GLCE: variants seen among roughly 807,000 people sequenced by gnomAD.
GLCE encodes glucuronic acid epimerase, also known as D-glucuronyl C5-epimerase.
GLCE carries 19 observed loss-of-function variants against 47.9 expected under a neutral mutation model. The ratio of observed to expected loss-of-function variants is 0.40; its 90% CI spans 0.28 to 0.58. The LOEUF (loss-of-function observed/expected upper bound fraction) is 0.58. Ranked by LOEUF, GLCE falls within the 20% of genes least tolerant of loss-of-function variation. GLCE has a pLI of 0.48. For missense variants in GLCE, 556 were observed against 743.3 expected (o/e 0.75, Z 2.93); for synonymous variants, 245 against 263.4 (o/e 0.93, Z 0.68).
At chr15:69,165,810 C>T (rs1190788113) in intron 1 of GLCE, among the ~76,000 whole-genome samples, 1 of 152,142 alleles carries the variant, frequency 6.6e-6, no homozygotes, top group Admixed American at 6.5e-5. Context: ...TTGATGTGTT[C>T]ATGATGTCAG....
Position 69,193,129 on chromosome 15 carries a change from A to G in GLCE, c.-104-17187A>G, listed in dbSNP as rs574935533. Among the ~76,000 whole-genome samples, 9 of 150,450 alleles carry G rather than the reference A, an allele frequency of 6.0e-5. No homozygotes were observed. In the East Asian group the frequency reaches 1.8e-3, roughly 30 times the overall value. On this transcript the variant is annotated intron_variant, in intron 1 of 4. Coordinates refer to ENST00000261858, the MANE Select transcript of GLCE (RefSeq NM_015554.3). ...TGTTTTGGCCTCCCTAAACTCTGAT[A>G]TATGTCTTTTCAATTCAGCAATGTT... is the stretch of plus-strand genomic sequence containing the variant.
chr15:69,220,631 T>G (rs1566959791), intron 2 of GLCE, among the ~76,000 whole-genome samples: 1 of 151,936 alleles, frequency 6.6e-6, no homozygotes, highest in African/African-American at 2.4e-5. Context: ...ATTCGGTCGT[T>G]TGCTTTTTGT....
chr15:69,177,628 TTCATGCCCCTTTATTATCTTTACC>T (rs2051687903), intron 1 of GLCE, among the ~76,000 whole-genome samples: 4 of 150,218 alleles, frequency 2.7e-5, no homozygotes, highest in African/African-American at 5.0e-5. Context: ...TTATCTTTAC[TTCATGCCCCTTTATTATCTTTACC>T]TCATGCCCCT....
chr15:69,199,705 C>G (rs1043524006), intron 1 of GLCE, among the ~76,000 whole-genome samples: 1 of 152,200 alleles, frequency 6.6e-6, no homozygotes, highest in African/African-American at 2.4e-5. Flanking sequence ...TGACTCCATT[C>G]AGTGCACTGT....
chr15:69,172,659 T>C (rs532840614), intron 1 of GLCE, among the ~76,000 whole-genome samples: 1 of 152,252 alleles, frequency 6.6e-6, no homozygotes, highest in South Asian at 2.1e-4. Flanking sequence ...CATAGGTAGG[T>C]GGATTAGTAA....
intron 2 of GLCE, among the ~76,000 whole-genome samples, chr15:69,221,771 G>A (rs1322644669): frequency 6.6e-6 from 1 of 151,222 alleles, no homozygotes; most frequent in Non-Finnish European, 1.5e-5. Context: ...GCTGAGGCAG[G>A]AGAATCACTT....
At chr15:69,206,342 G>T (rs950376470) in intron 1 of GLCE, among the ~76,000 whole-genome samples, 3 of 151,982 alleles carry the variant, frequency 2.0e-5, no homozygotes, top group African/African-American at 7.2e-5. Flanking sequence ...CTGTTTATCA[G>T]ATTTCCTCAC....
At chr15:69,260,983 A>G in intron 3 of GLCE, 104 bp from the exon 4 acceptor site, 1 of 1,091,286 alleles carries the variant, frequency 9.2e-7, no homozygotes. Flanking sequence ...CAACTTCCTG[A>G]TAACCCTGTA....
intron 4 of GLCE, among the ~76,000 whole-genome samples, chr15:69,267,024 A>G (rs185745977): frequency 1.3e-5 from 2 of 151,330 alleles, no homozygotes; most frequent in Non-Finnish European, 2.9e-5. Flanking sequence ...TTAATATTTT[A>G]AAATTTGTAC....
chr15:69,229,755 C>T (rs1387137199), intron 2 of GLCE, among the ~76,000 whole-genome samples: 2 of 150,958 alleles, frequency 1.3e-5, no homozygotes, highest in Non-Finnish European at 3.0e-5. Flanking sequence ...AAACCAATAG[C>T]TAGATAGCAG....
intron 2 of GLCE, among the ~76,000 whole-genome samples, chr15:69,252,221 T>G (rs2052854615): frequency 6.6e-6 from 1 of 152,162 alleles, no homozygotes; most frequent in Admixed American, 6.5e-5. Context: ...GTTCTTGCAT[T>G]GCTGTAAAGG....
At chr15:69,231,244 C>A (rs2052516492) in intron 2 of GLCE, among the ~76,000 whole-genome samples, 2 of 151,832 alleles carry the variant, frequency 1.3e-5, no homozygotes, top group Non-Finnish European at 1.5e-5. Context: ...TTATGAGCAG[C>A]CAGAGATTTT....
At chr15:69,219,665 C>T (rs1041362916) in intron 2 of GLCE, among the ~76,000 whole-genome samples, 3 of 152,016 alleles carry the variant, frequency 2.0e-5, no homozygotes, top group Admixed American at 1.3e-4. Flanking sequence ...GGTTGGATTA[C>T]GGTTTTTAAG....
At position 69,256,099 on chromosome 15, in the gene GLCE, A is replaced by C. The variant is rs752905632; in HGVS notation, c.293A>C (p.Lys98Thr). The change falls in exon 3 of 5, where the codon AAG becomes ACG. Residue 98 changes from lysine to threonine, a missense_variant. Lys to Thr is a moderately conservative substitution (Grantham distance 78, BLOSUM62 -1). Coordinates refer to ENST00000261858, the MANE Select transcript of GLCE (RefSeq NM_015554.3). ...VGGFNSNVGS[K>T]VLGLKYEEID... ...GGCTTCAATAGCAATGTGGGAAGTA[A>C]GGTGTTAGGGCTCAAATATGAAGAA... 6.2e-7 allele frequency: 1 copy of C among 1,614,146 alleles called. No homozygotes were observed. The highest frequency in any genetic ancestry group is 1.1e-5 in the South Asian group (1 of 91,078).
At chr15:69,183,644 T>C (rs967281234) in intron 1 of GLCE, among the ~76,000 whole-genome samples, 1 of 152,238 alleles carries the variant, frequency 6.6e-6, no homozygotes, top group Non-Finnish European at 1.5e-5. Context: ...ATCAGTCTGC[T>C]CCATGTCCCC....
intron 1 of GLCE, among the ~76,000 whole-genome samples, chr15:69,191,520 A>G (rs542640674): frequency 1.4e-4 from 21 of 152,300 alleles, no homozygotes; most frequent in Non-Finnish European, 1.2e-4. Context: ...TGCAGGATAC[A>G]TTTAATTTAA....
intron 1 of GLCE, among the ~76,000 whole-genome samples, chr15:69,200,829 T>C (rs894448988): frequency 4.6e-5 from 7 of 152,140 alleles, no homozygotes; most frequent in Admixed American, 1.3e-4. Flanking sequence ...AATCCAGGTC[T>C]CATTGGGTTA....
At chr15:69,227,361 A>G (rs2052464293) in intron 2 of GLCE, among the ~76,000 whole-genome samples, 1 of 152,182 alleles carries the variant, frequency 6.6e-6, no homozygotes, top group African/African-American at 2.4e-5. Context: ...AAGCCCTATG[A>G]TAACTCAAGT....
rs1434150851 is a variant in GLCE, at chr15:69,160,935, T to C, written c.-105+178T>C. Among the ~76,000 whole-genome samples the C allele has an allele frequency of 2.7e-5, 4 of 150,746 alleles. No individual in the cohort carries two copies. The highest frequency in any genetic ancestry group is 7.4e-5 in the African/African-American group (3 of 40,700). On this transcript the variant is annotated intron_variant, in intron 1 of 4. Coordinates refer to ENST00000261858, the MANE Select transcript of GLCE (RefSeq NM_015554.3). The surrounding 1 kb of genome is among the most constrained non-coding windows in gnomAD (Gnocchi z 4.2). The stretch of plus-strand genomic sequence containing the variant: ...GGGGCGAGGAGGCGGTGCAGTGGGA[T>C]CCGGGCGCGGGCGCCCAAGGGCGGT...
Sources: allele counts gnomAD v4.1 joint callset (sites outside exome capture counted in the v4.1 genomes callset), GRCh38; gene constraint gnomAD v4.1.1; non-coding constraint Gnocchi (gnomAD v3.1); transcripts MANE v1.5; gene names NCBI Gene and HGNC (gene_info 2026-07-23, HGNC 2026-07-21).